TESPA1: variants seen among roughly 807,000 people sequenced by gnomAD.
The protein encoded by TESPA1 is thymocyte expressed, positive selection associated 1.
In TESPA1, 33 loss-of-function variants were observed where a neutral mutation model predicts 57.9. That is an observed-to-expected ratio of 0.57 (90% CI 0.43 to 0.76). The LOEUF is 0.76. TESPA1 is among the 30% of genes least tolerant of loss of function. TESPA1 has a pLI of 0.00. For missense variants in TESPA1, 618 were observed against 632.9 expected (o/e 0.98, Z 0.25); for synonymous variants, 227 against 228.9 (o/e 0.99, Z 0.07).
intron 10 of TESPA1, among the ~76,000 whole-genome samples, chr12:54,953,833 T>C (rs1037945316): frequency 1.3e-5 from 2 of 152,182 alleles, no homozygotes; most frequent in East Asian, 3.9e-4. Flanking sequence ...CTTCTCTACA[T>C]CTTTGCCAAC....
chr12:54,956,583 A>T (rs1950750446), intron 10 of TESPA1, among the ~76,000 whole-genome samples: 1 of 152,162 alleles, frequency 6.6e-6, no homozygotes, highest in African/African-American at 2.4e-5. Context: ...GGAAGATTAA[A>T]ACCTCTTTCC....
rs147959428 is a variant in TESPA1 at position 54,969,019 on chromosome 12, A to ATGTG, written c.207-1128_207-1127insCACA. 8.1e-4 allele frequency among the ~76,000 whole-genome samples: 104 copies of ATGTG among 127,788 alleles called. 3 individuals are homozygous for ATGTG. Among genetic ancestry groups the ATGTG allele is most frequent in the African/African-American group, 2.6e-3 (85 of 32,686 alleles). The allele number at this position is 127,788 out of a possible 152,430, so 83.8% of individuals were successfully genotyped here. ...AAAATAAGTCACTACATATTTATAT[A>ATGTG]TGTATATATATATATATATATATAT... On this transcript the variant is annotated intron_variant, in intron 3 of 10. Transcript: ENST00000449076.
intron 10 of TESPA1, 51 bp from the exon 11 acceptor site, chr12:54,950,441 G>C (rs1360341863): frequency 2.4e-6 from 1 of 411,954 alleles, no homozygotes; most frequent in Non-Finnish European, 4.9e-6. Context: ...AAACAACTTT[G>C]GGTACTGAGG....
At chr12:54,964,784 A>G (rs565274686) in intron 7 of TESPA1, among the ~76,000 whole-genome samples, 11 of 152,302 alleles carry the variant, frequency 7.2e-5, no homozygotes, top group Admixed American at 5.9e-4. Flanking sequence ...TTTTATCTCC[A>G]TGGTCCTAAG....
At chr12:54,973,742 T>C (rs1311884764) in intron 2 of TESPA1, 4 of 1,310,994 alleles carry the variant, frequency 3.1e-6, no homozygotes, top group Non-Finnish European at 3.9e-6. Context: ...CCCAAGAACC[T>C]GGAAAGTGCC....
intron 10 of TESPA1, among the ~76,000 whole-genome samples, chr12:54,953,603 C>T (rs868668346): frequency 1.5e-4 from 22 of 150,584 alleles, no homozygotes; most frequent in African/African-American, 3.2e-4. Context: ...CTGCAAGCTC[C>T]GCCTCCCGGG....
In TESPA1 at chr12:54,963,174, A is replaced by G. The variant is rs1356697105; in HGVS notation, c.724T>C (p.Ser242Pro). Reference protein sequence around the residue: ...DAFFCLYSYVSKTPVQKFTPS... With the variant: ...DAFFCLYSYVPKTPVQKFTPS... ...GTGAACTTTTGGACAGGTGTCTTAGACACATAGGAGTAGAGACAGAAGAAG... is the reference window on the plus strand; with the variant it reads ...GTGAACTTTTGGACAGGTGTCTTAGGCACATAGGAGTAGAGACAGAAGAAG... The change falls in exon 9 of 11, where the codon TCT becomes CCT. Residue 242 changes from serine to proline, a missense_variant. This residue lies in a region of TESPA1 where 409 missense variants were observed against 420.1 expected (regional missense o/e 0.97). Coordinates refer to ENST00000449076, the MANE Select transcript of TESPA1 (RefSeq NM_001136030.3). The G allele has an allele frequency of 2.5e-6, 4 of 1,613,752 alleles. No individual in the cohort carries two copies. Among genetic ancestry groups the G allele is most frequent in the Non-Finnish European group, 3.4e-6 (4 of 1,179,880 alleles).
At chr12:54,961,899 G>T (rs1402453224) in intron 9 of TESPA1, among the ~76,000 whole-genome samples, 1 of 152,146 alleles carries the variant, frequency 6.6e-6, no homozygotes, top group Non-Finnish European at 1.5e-5. Context: ...ACATGGACAT[G>T]CAAGGTCCCT....
rs1950240250 is a variant in TESPA1 at position 54,949,207 on chromosome 12, A to C, written c.*1185T>G. The C allele has an allele frequency of 6.6e-6, 1 of 152,154 alleles. No individual in the cohort carries two copies. The highest frequency in any genetic ancestry group is 1.9e-4 in the East Asian group (1 of 5,198). 9.4% of individuals were successfully genotyped at this position (152,154 alleles called of 1,614,324 possible). A position where few individuals can be genotyped will look rare whatever the true frequency, so the allele number is the denominator to read the frequency against. ...GATGGTTTAAAAATTTTTCCACCCTAGCCCTTTTGTCTCTGCCTCACTACG... is the reference window on the plus strand; with the variant it reads ...GATGGTTTAAAAATTTTTCCACCCTCGCCCTTTTGTCTCTGCCTCACTACG... On this transcript the variant is annotated 3_prime_UTR_variant, in exon 11 of 11. Transcript: ENST00000449076.
Position 54,963,179 on chromosome 12 carries a change from T to C in TESPA1, c.719A>G (p.Tyr240Cys). The C allele has an allele frequency of 6.2e-7, 1 of 1,613,818 alleles. No individual in the cohort carries two copies. Among genetic ancestry groups the C allele is most frequent in the Non-Finnish European group, 8.5e-7 (1 of 1,179,854 alleles). ...TADAFFCLYS[Y>C]VSKTPVQKFT... Reference sequence around the variant, plus strand: ...CTTTTGGACAGGTGTCTTAGACACATAGGAGTAGAGACAGAAGAAGGCATC... The same window carrying C: ...CTTTTGGACAGGTGTCTTAGACACACAGGAGTAGAGACAGAAGAAGGCATC... Residue 240 changes from tyrosine to cysteine, a missense_variant, in exon 9 of 11, where the codon TAT becomes TGT. Tyr to Cys is a radical substitution (Grantham distance 194). Transcript: ENST00000449076.
intron 1 of TESPA1, among the ~76,000 whole-genome samples, chr12:54,977,913 T>C (rs188733938): frequency 1.3e-5 from 2 of 152,150 alleles, no homozygotes; most frequent in Non-Finnish European, 2.9e-5. Context: ...TATATGGGAA[T>C]ACTATAAGTA....
Position 54,973,478 on chromosome 12 carries a change from C to T in TESPA1, c.205G>A (p.Gly69Arg), listed in dbSNP as rs773279415. ...NKIEDWLQDC[G>R]YSEEGFSEEA... is the part of the protein sequence containing the mutation. The stretch of plus-strand genomic sequence containing the variant: ...CCCCATTGCCTGTCCAGCACTTACC[C>T]GCAATCCTGCAGCCAGTCTTCAATT... The change falls in exon 3 of 11, where the codon GGA (glycine) becomes AGA (arginine). Residue 69 changes from glycine (G) to arginine (R), a missense_variant and splice_region_variant. Physicochemically the swap from Gly to Arg is moderately radical, Grantham distance 125. Transcript: ENST00000449076. 14 of 1,613,978 alleles carry T rather than the reference C, an allele frequency of 8.7e-6. No individual in the cohort carries two copies. Among genetic ancestry groups the T allele is most frequent in the South Asian group, 3.3e-5 (3 of 91,086 alleles).
At chr12:54,969,574 C>G (rs568930839) in intron 3 of TESPA1, among the ~76,000 whole-genome samples, 34 of 152,180 alleles carry the variant, frequency 2.2e-4, no homozygotes, top group African/African-American at 8.0e-4. Context: ...GCCTCCAAAT[C>G]CCTATTTATT....
intron 6 of TESPA1, 94 bp from the exon 7 acceptor site, chr12:54,966,245 AGT>A: frequency 6.4e-7 from 1 of 1,561,938 alleles, no homozygotes; most frequent in Non-Finnish European, 8.8e-7. Context: ...CCCCCTGAAC[AGT>A]AGTCTATGCA....
In TESPA1 at chr12:54,962,697, G is replaced by A. The variant is rs765494100; in HGVS notation, c.1201C>T (p.Gln401Ter). 4 of 1,613,974 alleles carry A rather than the reference G, an allele frequency of 2.5e-6. No homozygotes were observed. Among genetic ancestry groups the A allele is most frequent in the Admixed American group, 1.7e-5 (1 of 60,016 alleles). Residue 401 changes from glutamine to a stop codon, truncating the protein, a stop_gained, in exon 9 of 11, where the codon CAG (glutamine) becomes TAG (stop). Coordinates refer to ENST00000449076, the MANE Select transcript of TESPA1 (RefSeq NM_001136030.3). LOFTEE classifies it high-confidence loss of function. Reference protein sequence around the residue: ...CTHSLPIEDPQWSTDPAQIRR... With the variant: ...CTHSLPIEDP ...ATCTGAGCTGGGTCTGTGCTCCACT[G>A]TGGATCTTCTATGGGCAGAGAATGT... is the stretch of plus-strand genomic sequence containing the variant.
intron 3 of TESPA1, among the ~76,000 whole-genome samples, chr12:54,970,828 G>C (rs1565863389): frequency 6.6e-6 from 1 of 152,200 alleles, no homozygotes; most frequent in Non-Finnish European, 1.5e-5. Flanking sequence ...GTGGGAAGAA[G>C]TATATGGCTA....
intron 5 of TESPA1, 127 bp from the exon 6 acceptor site, chr12:54,966,551 C>A: frequency 9.3e-7 from 1 of 1,076,946 alleles, no homozygotes; most frequent in Admixed American, 2.6e-5. Context: ...CTAGCTGGAC[C>A]CCATAAATTC....
At chr12:54,976,272 T>G (rs903930514) in intron 1 of TESPA1, among the ~76,000 whole-genome samples, 3 of 152,198 alleles carry the variant, frequency 2.0e-5, no homozygotes, top group Non-Finnish European at 4.4e-5. Context: ...TAGAATGACC[T>G]TAGGACAAGA....
rs1951435723 is a variant in TESPA1, at chr12:54,966,436, AC to A, written c.311-13del. The A allele has an allele frequency of 6.2e-7, 1 of 1,612,330 alleles. No homozygotes were observed. Among genetic ancestry groups the A allele is most frequent in the Non-Finnish European group, 8.5e-7 (1 of 1,179,286 alleles). On this transcript the variant is annotated splice_polypyrimidine_tract_variant and intron_variant, in intron 5 of 10. Transcript: ENST00000449076. Reference sequence around the variant, plus strand: ...GGCCAGTAGTGTGGCTGGACAAGAAACAGAGAAGCAAAGAGCAAATTAGAAG... The same window carrying A: ...GGCCAGTAGTGTGGCTGGACAAGAAAAGAGAAGCAAAGAGCAAATTAGAAG...
Sources: allele counts gnomAD v4.1 joint callset (sites outside exome capture counted in the v4.1 genomes callset), GRCh38; gene constraint gnomAD v4.1.1; regional missense constraint gnomAD v4.1.1; transcripts MANE v1.5; gene names NCBI Gene and HGNC (gene_info 2026-07-23, HGNC 2026-07-21).